PACS2: variants seen among roughly 807,000 people sequenced by gnomAD.
PACS2 encodes the protein phosphofurin acidic cluster sorting protein 2, also known as PACS1-like protein.
A neutral mutation model predicts 113.0 loss-of-function variants in PACS2; 36 were observed. The ratio of observed to expected loss-of-function variants is 0.32; its 90% CI spans 0.24 to 0.42. The LOEUF (loss-of-function observed/expected upper bound fraction) is 0.42, where lower values mean the gene tolerates loss of function less well. Ranked by LOEUF, PACS2 falls within the 10% of genes least tolerant of loss-of-function variation. The pLI is 1.00. For synonymous variants in PACS2, 589 were observed against 536.1 expected (o/e 1.10, Z -1.36); for missense variants, 1,015 against 1,239.5 (o/e 0.82, Z 2.72).
intron 1 of PACS2, among the ~76,000 whole-genome samples, chr14:105,347,062 C>T (rs1431750881): frequency 1.4e-5 from 2 of 141,298 alleles, no homozygotes; most frequent in African/African-American, 5.4e-5. Context: ...CCCGTTGCAC[C>T]TCCCACCTGC....
intron 12 of PACS2, among the ~76,000 whole-genome samples, chr14:105,381,632 C>T (rs1488155803): frequency 2.0e-5 from 3 of 152,188 alleles, no homozygotes; most frequent in Non-Finnish European, 4.4e-5. Context: ...TCAGTCCTCA[C>T]GGTGGCTCCA....
intron 1 of PACS2, among the ~76,000 whole-genome samples, chr14:105,347,441 G>A (rs1024933421): frequency 1.3e-5 from 2 of 152,188 alleles, no homozygotes; most frequent in Non-Finnish European, 2.9e-5. Flanking sequence ...GGGTGGCTGC[G>A]TTCCATGGCC....
At chr14:105,343,862 T>G (rs2059824243) in intron 1 of PACS2, among the ~76,000 whole-genome samples, 1 of 151,742 alleles carries the variant, frequency 6.6e-6, no homozygotes, top group Non-Finnish European at 1.5e-5. Flanking sequence ...TTTATTAGGT[T>G]GTTTGTTTTC....
At position 105,394,778 on chromosome 14, in the gene PACS2, G is replaced by C; in HGVS notation, c.*106G>C. On this transcript the variant is annotated 3_prime_UTR_variant, in exon 25 of 25. Transcript: ENST00000447393. ...CAGAGACAGACGCTTAAAACACAAA[G>C]AGAAACAGTCTTAAGTATGAATGTG... The C allele has an allele frequency of 1.3e-6, 1 of 791,154 alleles. No homozygotes were observed. The allele number at this position is 791,154 out of a possible 1,614,324, so 49.0% of individuals were successfully genotyped here. A position where few individuals can be genotyped will look rare whatever the true frequency, so the allele number is the denominator to read the frequency against.
rs1555408380 is a variant in PACS2 at position 105,368,075 on chromosome 14, T to C, written c.588T>C (p.Asp196=). ...MQAGPKAKST[D]NYSEEEYESF... is the part of the protein sequence containing the mutation. ...CCCTTCTGTCTGTTCATTCCGCAGATAACTACTCCGAGGAGGAGTATGAGA... is the reference window on the plus strand; with the variant it reads ...CCCTTCTGTCTGTTCATTCCGCAGACAACTACTCCGAGGAGGAGTATGAGA... Residue 196 remains aspartate (D), a splice_region_variant and synonymous_variant, in exon 6 of 25, where the codon GAT becomes GAC. Transcript: ENST00000447393. The C allele has an allele frequency of 3.7e-6, 6 of 1,602,210 alleles. No individual in the cohort carries two copies. Among genetic ancestry groups the C allele is most frequent in the Non-Finnish European group, 1.7e-6 (2 of 1,169,770 alleles).
rs2058104284 is a variant in PACS2 at position 105,303,974 on chromosome 14, G to C, written c.-83+2995G>C. Reference sequence around the variant, plus strand: ...GCCAGAATCCAATCTGAGGCCATGTGGCCACTGGATCCTTGCTCTCACCTG... The same window carrying C: ...GCCAGAATCCAATCTGAGGCCATGTCGCCACTGGATCCTTGCTCTCACCTG... On this transcript the variant is annotated intron_variant, in intron 1 of 23. Coordinates refer to the PACS2 transcript ENST00000430725. 2.0e-5 allele frequency among the ~76,000 whole-genome samples: 3 copies of C among 152,348 alleles called. No individual in the cohort carries two copies. The South Asian group carries it at 6.2e-4, about 32-fold the overall frequency.
chr14:105,355,025 A>T lies in PACS2; in HGVS notation c.298-27A>T, dbSNP rs1410267039. The T allele has an allele frequency of 6.2e-7, 1 of 1,608,532 alleles. No individual in the cohort carries two copies. Among genetic ancestry groups the T allele is most frequent in the African/African-American group, 1.3e-5 (1 of 74,834 alleles). On this transcript the variant is annotated intron_variant, in intron 3 of 24. Coordinates refer to ENST00000447393, the MANE Select transcript of PACS2 (RefSeq NM_001100913.3). The surrounding 1 kb of genome is among the most constrained non-coding windows in gnomAD (Gnocchi z 4.1). ...CTGCCTGGGGCCCCGGTGCACCCTC[A>T]GCTGCCACTCGCACTTGTGCCCACA...
At chr14:105,384,824 G>A (rs1296199504) in intron 17 of PACS2, 55 bp from the exon 18 acceptor site, 3 of 1,196,282 alleles carry the variant, frequency 2.5e-6, no homozygotes, top group Non-Finnish European at 3.6e-6. Flanking sequence ...GCTTAGCCCC[G>A]CCTGCAACCC....
At chr14:105,328,773 C>T (rs998764927) in intron 1 of PACS2, among the ~76,000 whole-genome samples, 11 of 152,140 alleles carry the variant, frequency 7.2e-5, no homozygotes, top group African/African-American at 2.7e-4. Flanking sequence ...AAGAGGAAAC[C>T]TTGTTTGATT....
chr14:105,354,008 C>T lies in PACS2; in HGVS notation c.298-1044C>T, dbSNP rs1022302311. ...AGGTGGCAGGAGAATCGCTTGAACC[C>T]GGGAGGTGGAGGTTGGTTGCAGTGA... On this transcript the variant is annotated intron_variant, in intron 3 of 24. Coordinates refer to ENST00000447393, the MANE Select transcript of PACS2 (RefSeq NM_001100913.3). This position sits in a 1 kb window ranked among gnomAD's most constrained non-coding sequence, Gnocchi z 4.2. 1.1e-4 allele frequency among the ~76,000 whole-genome samples: 17 copies of T among 151,850 alleles called. No individual in the cohort carries two copies. Among genetic ancestry groups the T allele is most frequent in the African/African-American group, 3.4e-4 (14 of 41,362 alleles).
rs2060976791 is a variant in PACS2, at chr14:105,367,385, G to A, written c.586+10G>A. 6.2e-7 allele frequency: 1 copy of A among 1,611,036 alleles called. No homozygotes were observed. The highest frequency in any genetic ancestry group is 1.3e-5 in the African/African-American group (1 of 74,886). On this transcript the variant is annotated intron_variant, in intron 5 of 24. Transcript: ENST00000447393. ...AAGGCCAAGTCCACGGGTGAGTGTGGTGCCAGCCCGCTCCTGCCCCTGCTG... is the reference window on the plus strand; with the variant it reads ...AAGGCCAAGTCCACGGGTGAGTGTGATGCCAGCCCGCTCCTGCCCCTGCTG...
intron 2 of PACS2, among the ~76,000 whole-genome samples, chr14:105,350,193 G>T (rs997265213): frequency 2.0e-5 from 3 of 152,150 alleles, no homozygotes; most frequent in Admixed American, 6.5e-5. Flanking sequence ...AGCTCTCTGT[G>T]GGCCATTGCC....
intron 1 of PACS2, among the ~76,000 whole-genome samples, chr14:105,337,934 G>T (rs149685022): frequency 2.0e-5 from 3 of 152,368 alleles, no homozygotes; most frequent in African/African-American, 7.2e-5. Flanking sequence ...AGGGGCAGCA[G>T]CGTCCCCTCC....
At position 105,383,620 on chromosome 14, in the gene PACS2, C is replaced by T. The variant is rs147848246; in HGVS notation, c.1780+107C>T. 2.5e-5 allele frequency: 27 copies of T among 1,085,080 alleles called. No homozygotes were observed. In the East Asian group the frequency reaches 4.4e-4, roughly 18 times the overall value. The allele number at this position is 1,085,080 out of a possible 1,614,324, so 67.2% of individuals were successfully genotyped here. ...TGGCGTGTTGTGTGGCGTGGCGTGGCGCGGTGTGTCGTGGTGTGGCGCGGT... is the reference window on the plus strand; with the variant it reads ...TGGCGTGTTGTGTGGCGTGGCGTGGTGCGGTGTGTCGTGGTGTGGCGCGGT... On this transcript the variant is annotated intron_variant, in intron 16 of 24. Coordinates refer to ENST00000447393, the MANE Select transcript of PACS2 (RefSeq NM_001100913.3).
intron 22 of PACS2, chr14:105,392,295 G>T: frequency 2.6e-6 from 1 of 390,482 alleles, no homozygotes; most frequent in Non-Finnish European, 4.7e-6. Context: ...GTTTCCAGCC[G>T]CCGGCTCCTT....
At chr14:105,303,868 CTGT>C (rs1222328303) in intron 1 of PACS2, among the ~76,000 whole-genome samples, 1 of 152,232 alleles carries the variant, frequency 6.6e-6, no homozygotes, top group Non-Finnish European at 1.5e-5. Context: ...CTTGCAGACA[CTGT>C]TGTCTCCATT....
intron 17 of PACS2, 23 bp downstream of exon 17, chr14:105,384,486 GC>G: frequency 6.6e-7 from 1 of 1,516,694 alleles, no homozygotes; most frequent in Non-Finnish European, 9.1e-7. Context: ...CGCGTCCACA[GC>G]CCACGCCACG....
At position 105,391,711 on chromosome 14, in the gene PACS2, G is replaced by C. The variant is rs587624621; in HGVS notation, c.2200G>C (p.Ala734Pro). Residue 734 changes from alanine (A) to proline (P), a missense_variant, in exon 22 of 25, where the codon GCC becomes CCC. Ala to Pro is a conservative substitution (Grantham distance 27). Coordinates refer to ENST00000447393, the MANE Select transcript of PACS2 (RefSeq NM_001100913.3). ...GTCCGCATCTCCTGCGGCCAAGGAG[G>C]CCTCACCCACCCCGCCCTCCTCCCC... Reference protein sequence around the residue: ...PPSASPAAKEASPTPPSSPSV... With the variant: ...PPSASPAAKEPSPTPPSSPSV... 1 of 1,602,404 alleles carries C rather than the reference G, an allele frequency of 6.2e-7. No homozygotes were observed. Among genetic ancestry groups the C allele is most frequent in the Admixed American group, 1.7e-5 (1 of 58,852 alleles).
chr14:105,309,037 C>T lies in PACS2; in HGVS notation c.-83+8058C>T, dbSNP rs2058273097. 6.6e-6 allele frequency among the ~76,000 whole-genome samples: 1 copy of T among 152,140 alleles called. No homozygotes were observed. Among genetic ancestry groups the T allele is most frequent in the Non-Finnish European group, 1.5e-5 (1 of 68,030 alleles). ...CTAACAAAACCAGAAATCCATCCTGCACGAAGAGCACTGAGGTTGAGTGTT... is the reference window on the plus strand; with the variant it reads ...CTAACAAAACCAGAAATCCATCCTGTACGAAGAGCACTGAGGTTGAGTGTT... On this transcript the variant is annotated intron_variant, in intron 1 of 23. Transcript: ENST00000430725. The surrounding 1 kb of genome is among the most constrained non-coding windows in gnomAD (Gnocchi z 4.0).
Sources: gnomAD v4.1 joint callset for allele counts (sites outside exome capture counted in the v4.1 genomes callset) on GRCh38, gnomAD v4.1.1 for gene constraint, Gnocchi (gnomAD v3.1) non-coding constraint, MANE v1.5 for transcripts, NCBI Gene and HGNC (gene_info 2026-07-23, HGNC 2026-07-21) for gene names.